SYNE2: variants seen among roughly 807,000 people sequenced by gnomAD.
SYNE2 encodes nesprin-2.
SYNE2 carries 431 observed loss-of-function variants against 856.3 expected under a neutral mutation model. The observed-to-expected ratio is 0.50, with a 90% CI of 0.47 to 0.55. SYNE2 has a LOEUF of 0.55. SYNE2 is among the 20% of genes least tolerant of loss of function. SYNE2 has a pLI of 0.00. For missense variants in SYNE2, 8,129 were observed against 8,023.2 expected, an observed-to-expected ratio of 1.01 and a Z score of -0.50; for synonymous variants, 2,923 against 2,872.3, an observed-to-expected ratio of 1.02 and a Z score of -0.56.
intron 2 of SYNE2, among the ~76,000 whole-genome samples, chr14:63,933,259 G>A (rs766929212): frequency 3.3e-5 from 5 of 152,140 alleles, no homozygotes; most frequent in African/African-American, 7.2e-5. Flanking sequence ...AACTGCTTCT[G>A]AACTCTTACT....
chr14:63,897,492 T>C (rs191602185), intron 1 of SYNE2, among the ~76,000 whole-genome samples: 1 of 152,338 alleles, frequency 6.6e-6, no homozygotes, highest in East Asian at 1.9e-4. Flanking sequence ...TTACAAACAG[T>C]TCTACCCTGA....
In SYNE2 at chr14:64,002,974, C is replaced by G. The variant is rs776737742; in HGVS notation, c.4041C>G (p.Ala1347=). 2 of 1,614,022 alleles carry G rather than the reference C, an allele frequency of 1.2e-6. No homozygotes were observed. The highest frequency in any genetic ancestry group is 2.7e-5 in the African/African-American group (2 of 74,904). The change falls in exon 30 of 116, where the codon GCC becomes GCG. Residue 1347 remains alanine, a synonymous_variant. Transcript: ENST00000555002. ...LSAEPVTDLS[A]SDTQVAQENT... Reference sequence around the variant, plus strand: ...CTGAGCCCGTTACAGACCTTTCAGCCTCAGATACACAGGTGGCACAAGAAA... The same window carrying G: ...CTGAGCCCGTTACAGACCTTTCAGCGTCAGATACACAGGTGGCACAAGAAA...
intron 70 of SYNE2, among the ~76,000 whole-genome samples, chr14:64,124,665 G>A (rs1391426302): frequency 2.6e-5 from 4 of 152,146 alleles, no homozygotes; most frequent in African/African-American, 9.7e-5. Flanking sequence ...CACCAAGAAA[G>A]TGGCTCAGAA....
At chr14:64,209,166 C>T (rs1205007618) in intron 101 of SYNE2, 23 of 815,698 alleles carry the variant, frequency 2.8e-5, no homozygotes, top group East Asian at 1.3e-4. Flanking sequence ...GTGGACTGGC[C>T]GCTGTGCTTC....
At chr14:64,118,630 A>AG (rs2153663363) in intron 66 of SYNE2, among the ~76,000 whole-genome samples, 1 of 152,274 alleles carries the variant, frequency 6.6e-6, no homozygotes, top group South Asian at 2.1e-4. Flanking sequence ...TGGGAGGCCT[A>AG]GGTGGGCAGA....
chr14:64,175,231 C>A, intron 95 of SYNE2, 93 bp downstream of exon 95: 1 of 1,440,280 alleles, frequency 6.9e-7, no homozygotes, highest in Non-Finnish European at 9.5e-7. Context: ...TTTTAGGAAA[C>A]TATAGTATCA....
chr14:63,787,501 A>C (rs1392252677), intron 1 of SYNE2, among the ~76,000 whole-genome samples: 2 of 152,176 alleles, frequency 1.3e-5, no homozygotes, highest in Admixed American at 1.3e-4. Context: ...CTTATCCTGC[A>C]TCCAGGAAGA....
intron 1 of SYNE2, among the ~76,000 whole-genome samples, chr14:63,841,152 C>T (rs1390473188): frequency 1.3e-5 from 2 of 152,112 alleles, no homozygotes; most frequent in Admixed American, 1.3e-4. Context: ...TGTGCTCAGT[C>T]CTTGAGAGCA....
chr14:64,135,042 G>A (rs1053248417), intron 78 of SYNE2, among the ~76,000 whole-genome samples: 13 of 151,978 alleles, frequency 8.6e-5, no homozygotes, highest in African/African-American at 2.4e-4. Context: ...AACTTTTTGC[G>A]TTGTTATCAT....
chr14:64,168,410 C>T (rs111329088), intron 92 of SYNE2, among the ~76,000 whole-genome samples: 1 of 152,184 alleles, frequency 6.6e-6, no homozygotes, highest in African/African-American at 2.4e-5. Flanking sequence ...TGCAGAATTA[C>T]TTCACTGCAA....
intron 1 of SYNE2, among the ~76,000 whole-genome samples, chr14:63,764,523 A>T (rs1044855840): frequency 3.9e-5 from 1 of 25,666 alleles, no homozygotes; most frequent in East Asian, 1.1e-3. Flanking sequence ...CCCCGCCTCC[A>T]TCTCTTAAAA....
chr14:63,997,446 GTACAATAATTCAC>G, intron 25 of SYNE2, 55 bp downstream of exon 25: 2 of 1,357,868 alleles, frequency 1.5e-6, no homozygotes, highest in East Asian at 4.8e-5. Context: ...AAGACCAAGT[GTACAATAATTCAC>G]TTCTCATTAA....
chr14:64,208,740 A>G lies in SYNE2; in HGVS notation c.18202-18A>G. ...CCACCAACATCTCAAGAGGTTTCTT[A>G]CTCTGTTGTAATCACAGGATCTACA... On this transcript the variant is annotated intron_variant, in intron 100 of 115. Transcript: ENST00000555002. The G allele has an allele frequency of 6.2e-7, 1 of 1,613,992 alleles. No individual in the cohort carries two copies. Among genetic ancestry groups the G allele is most frequent in the Non-Finnish European group, 8.5e-7 (1 of 1,179,928 alleles).
At chr14:64,220,016 T>A in intron 110 of SYNE2, among the ~76,000 whole-genome samples, 1 of 152,340 alleles carries the variant, frequency 6.6e-6, no homozygotes, top group Middle Eastern at 3.4e-3. Flanking sequence ...TCCAGGTACC[T>A]TTCATATTTG....
chr14:63,948,032 T>C (rs1183451428), intron 6 of SYNE2, among the ~76,000 whole-genome samples: 2 of 152,222 alleles, frequency 1.3e-5, no homozygotes, highest in African/African-American at 4.8e-5. Flanking sequence ...TATCCGACAG[T>C]GTAAGTTGTC....
chr14:64,225,486 A>AC lies in SYNE2; in HGVS notation c.20688dup (p.Met6897HisfsTer25), dbSNP rs748256037. On this transcript the variant is annotated frameshift_variant, in exon 116 of 116. Transcript: ENST00000555002. LOFTEE classifies it high-confidence loss of function. The stretch of plus-strand genomic sequence containing the variant: ...GCCAACAACTTTGCCCGGTCCTTTT[A>AC]CCCCATGCTGAGGTACACCAATGGG... 6.2e-7 allele frequency: 1 copy of AC among 1,614,060 alleles called. No individual in the cohort carries two copies. Among genetic ancestry groups the AC allele is most frequent in the Non-Finnish European group, 8.5e-7 (1 of 1,180,014 alleles).
chr14:63,988,447 T>G (rs2096642112), intron 19 of SYNE2, among the ~76,000 whole-genome samples: 2 of 152,216 alleles, frequency 1.3e-5, no homozygotes, highest in Non-Finnish European at 2.9e-5. Context: ...TGAGCTTTTT[T>G]GTTGGTTTTA....
chr14:63,898,997 A>G (rs867281728), intron 1 of SYNE2, among the ~76,000 whole-genome samples: 1 of 152,184 alleles, frequency 6.6e-6, no homozygotes, highest in Admixed American at 6.5e-5. Flanking sequence ...CTGAAACTAT[A>G]TATTCATTAA....
At chr14:64,068,294 C>G (rs1319593345) in intron 51 of SYNE2, among the ~76,000 whole-genome samples, 1 of 152,148 alleles carries the variant, frequency 6.6e-6, no homozygotes, top group Non-Finnish European at 1.5e-5. Context: ...CAGTGCCTTC[C>G]ATAACCTCCA....
Sources: allele counts gnomAD v4.1 joint callset (sites outside exome capture counted in the v4.1 genomes callset), GRCh38; gene constraint gnomAD v4.1.1; transcripts MANE v1.5; gene names NCBI Gene and HGNC (gene_info 2026-07-23, HGNC 2026-07-21).